Variants in KIFC3 observed in about 807,000 individuals in gnomAD.
The protein encoded by KIFC3 is kinesin-like protein KIFC3.
Under a neutral mutation model 101.8 loss-of-function variants are expected in KIFC3, and 60 were observed. That is an observed-to-expected ratio of 0.59 (90% CI 0.48 to 0.73). KIFC3 has a LOEUF of 0.73. KIFC3 is among the 30% of genes least tolerant of loss of function. The pLI, the probability that KIFC3 is intolerant of heterozygous loss-of-function variation, is 0.00. For synonymous variants in KIFC3, 476 were observed against 482.7 expected (o/e 0.99, Z 0.18); for missense variants, 966 against 1,137.1 (o/e 0.85, Z 2.16).
intron 12 of KIFC3, 56 bp downstream of exon 12, chr16:57,764,087 G>A: frequency 8.1e-7 from 1 of 1,232,396 alleles, no homozygotes; most frequent in Non-Finnish European, 1.2e-6. Flanking sequence ...CAATGAGGGA[G>A]CCCGCATTCC....
intron 9 of KIFC3, among the ~76,000 whole-genome samples, chr16:57,767,188 G>A (rs2050592295): frequency 6.6e-6 from 1 of 152,228 alleles, no homozygotes; most frequent in African/African-American, 2.4e-5. Flanking sequence ...CTGAGCCGCA[G>A]ACACTAAGCT....
chr16:57,779,207 C>A (rs964271147), intron 3 of KIFC3, among the ~76,000 whole-genome samples: 2 of 152,082 alleles, frequency 1.3e-5, no homozygotes, highest in African/African-American at 4.8e-5. Context: ...AAAAACAAAA[C>A]AAACAAAACG....
At chr16:57,827,571 A>G (rs2055485263) in intron 1 of KIFC3, among the ~76,000 whole-genome samples, 1 of 152,152 alleles carries the variant, frequency 6.6e-6, no homozygotes, top group South Asian at 2.1e-4. Context: ...CATGCTGCCC[A>G]TGCGACACAT....
At chr16:57,803,312 T>C, upstream of KIFC3, 1 of 686,684 alleles carries the variant, frequency 1.5e-6, no homozygotes, top group South Asian at 1.5e-5. Context: ...GAGGAGCCAC[T>C]CTGTTCTTTG....
At chr16:57,797,370 C>T (rs1366272264) in intron 2 of KIFC3, among the ~76,000 whole-genome samples, 3 of 152,226 alleles carry the variant, frequency 2.0e-5, no homozygotes. Flanking sequence ...GGGAGAGGGT[C>T]ATGGACAGCT....
intron 3 of KIFC3, chr16:57,781,936 C>G: frequency 1.0e-6 from 1 of 985,442 alleles, no homozygotes; most frequent in African/African-American, 1.7e-5. Flanking sequence ...GGCCACACAG[C>G]CTTGCAGGAA....
chr16:57,849,048 T>C (rs1227609153), intron 1 of KIFC3, among the ~76,000 whole-genome samples: 1 of 152,216 alleles, frequency 6.6e-6, no homozygotes, highest in African/African-American at 2.4e-5. Context: ...TTTCTGTGCT[T>C]TTCCATAAGC....
chr16:57,814,864 C>G (rs1555628461), intron 1 of KIFC3, among the ~76,000 whole-genome samples: 1 of 152,160 alleles, frequency 6.6e-6, no homozygotes, highest in African/African-American at 2.4e-5. Flanking sequence ...TCAAGCAATC[C>G]ACGAACCTCG....
At position 57,771,356 on chromosome 16, in the gene KIFC3, G is replaced by A; in HGVS notation, c.607C>T (p.Leu203=). ...CGGTCGGTCTTCTGCTGCACCTCTA[G>A]GTTCAGCTCTGACAGCATGCCTTTG... The part of the protein sequence containing the change: ...ESKGMLSELN[L]EVQQKTDRLA... Residue 203 remains leucine (L), a synonymous_variant, in exon 6 of 20, where the codon CTA becomes TTA. Transcript: ENST00000445690. 1 of 1,613,784 alleles carries A rather than the reference G, an allele frequency of 6.2e-7. No individual in the cohort carries two copies. Among genetic ancestry groups the A allele is most frequent in the Non-Finnish European group, 8.5e-7 (1 of 1,180,046 alleles).
At chr16:57,856,188 A>AAG (rs1555484332) in intron 1 of KIFC3, among the ~76,000 whole-genome samples, 2 of 151,324 alleles carry the variant, frequency 1.3e-5, no homozygotes, top group Non-Finnish European at 2.9e-5. Flanking sequence ...TTAAAAAAAA[A>AAG]GAAAAAAAAA....
chr16:57,775,369 G>C (rs2051905769), intron 3 of KIFC3: 2 of 1,092,048 alleles, frequency 1.8e-6, no homozygotes, highest in African/African-American at 3.3e-5. Context: ...CGAGCACTCT[G>C]GCCAAGGCAC....
rs1555607366 is a variant in KIFC3, at chr16:57,770,682, C to T, written c.784G>A (p.Glu262Lys). The T allele has an allele frequency of 6.5e-7, 1 of 1,529,926 alleles. No homozygotes were observed. The allele number at this position is 1,529,926 out of a possible 1,614,324, so 94.8% of individuals were successfully genotyped here. Residue 262 changes from glutamate (E) to lysine (K), a missense_variant, in exon 7 of 20, where the codon GAG becomes AAG. By Grantham distance (56) the Glu-to-Lys change is moderately conservative (BLOSUM62 1). Transcript: ENST00000445690. ...TGCTTGGTCTTGGACGACTCCACCTCCACTGTCTTGATGACATACTGCAGG... is the reference window on the plus strand; with the variant it reads ...TGCTTGGTCTTGGACGACTCCACCTTCACTGTCTTGATGACATACTGCAGG... ...PPVKYVIKTV[E>K]VESSKTKQAL...
At position 57,787,374 on chromosome 16, in the gene KIFC3, G is replaced by A. The variant is rs758333194; in HGVS notation, c.315+7625C>T. The stretch of plus-strand genomic sequence containing the variant: ...ACAACAGGCCATGGGGCAGAAATGA[G>A]GTCTCGGAGAGCCCAGCTCATCCAG... On this transcript the variant is annotated intron_variant, in intron 3 of 19. Coordinates refer to ENST00000445690, the MANE Select transcript of KIFC3 (RefSeq NM_001130100.2). 1.8e-4 allele frequency among the ~76,000 whole-genome samples: 27 copies of A among 152,352 alleles called. No homozygotes were observed. In the Middle Eastern group the frequency reaches 0.02, roughly 115 times the overall value.
intron 3 of KIFC3, among the ~76,000 whole-genome samples, chr16:57,790,081 T>TCTTTC (rs1555619718): frequency 6.9e-5 from 8 of 116,322 alleles, no homozygotes; most frequent in African/African-American, 8.6e-5. Context: ...TTTCTTTCTT[T>TCTTTC]TTTTTTTTTT....
intron 1 of KIFC3, among the ~76,000 whole-genome samples, chr16:57,813,444 G>A (rs1420162864): frequency 5.3e-5 from 8 of 152,098 alleles, no homozygotes; most frequent in Non-Finnish European, 1.2e-4. Flanking sequence ...AGATAACCCA[G>A]AAAGCACGCA....
intron 1 of KIFC3, among the ~76,000 whole-genome samples, chr16:57,826,362 T>C (rs1254509720): frequency 2.0e-5 from 3 of 152,246 alleles, no homozygotes; most frequent in Non-Finnish European, 4.4e-5. Flanking sequence ...TCGAGTTATT[T>C]CTAGTCTTTT....
At chr16:57,813,309 C>T (rs886820145) in intron 1 of KIFC3, among the ~76,000 whole-genome samples, 3 of 151,528 alleles carry the variant, frequency 2.0e-5, no homozygotes, top group African/African-American at 4.9e-5. Flanking sequence ...GCCTGGGCAA[C>T]AAAGCAAGGC....
intron 1 of KIFC3, among the ~76,000 whole-genome samples, chr16:57,861,031 CA>C (rs1959241382): frequency 6.6e-6 from 1 of 152,106 alleles, no homozygotes; most frequent in Non-Finnish European, 1.5e-5. Context: ...TCACCTTAAA[CA>C]TAGTGCTTGC....
intron 10 of KIFC3, 30 bp from the exon 11 acceptor site, chr16:57,765,670 C>A: frequency 6.3e-7 from 1 of 1,584,526 alleles, no homozygotes; most frequent in Non-Finnish European, 8.6e-7. Flanking sequence ...GGAAATGGGT[C>A]CAGGCCATGT....
Sources: gnomAD v4.1 joint callset for allele counts (sites outside exome capture counted in the v4.1 genomes callset) on GRCh38, gnomAD v4.1.1 for gene constraint, MANE v1.5 for transcripts, NCBI Gene and HGNC (gene_info 2026-07-23, HGNC 2026-07-21) for gene names.